The following TMEM165 variants were observed in gnomAD, a reference collection of about 807,000 sequenced individuals.
The protein encoded by TMEM165 is transmembrane protein 165.
A neutral mutation model predicts 30.0 loss-of-function variants in TMEM165; 19 were observed. The ratio of observed to expected loss-of-function variants is 0.63; its 90% CI spans 0.44 to 0.93. The LOEUF is 0.93. Among genes scored for constraint, TMEM165 ranks in the 40% least tolerant of loss-of-function variants. The probability of loss-of-function intolerance (pLI) is 0.00; values close to 1 mark genes in which losing one functional copy is unlikely to be tolerated. For synonymous variants in TMEM165, 168 were observed against 162.9 expected (o/e 1.03, Z -0.24); for missense variants, 340 against 417.0 (o/e 0.82, Z 1.61).
chr4:55,415,676 A>G (rs1484274563), intron 2 of TMEM165: 3 of 152,204 alleles, frequency 2.0e-5, no homozygotes, highest in Non-Finnish European at 4.4e-5. Flanking sequence ...TAATTTAAAT[A>G]CAGATGTGCA....
At chr4:55,416,852 T>C (rs536663277) in intron 2 of TMEM165, 3 of 399,264 alleles carry the variant, frequency 7.5e-6, no homozygotes, top group African/African-American at 4.2e-5. Context: ...AACTGGACCA[T>C]TGGCTTCTGA....
At chr4:55,432,434 T>A (rs1230031843) in intron 3 of TMEM165, 6 of 150,390 alleles carry the variant, frequency 4.0e-5, no homozygotes, top group Non-Finnish European at 7.4e-5. Context: ...CCACCCAGAA[T>A]AAGTGTTTTT....
chr4:55,400,256 TTAA>T (rs1160607940), intron 1 of TMEM165, among the ~76,000 whole-genome samples: 1 of 52,390 alleles, frequency 1.9e-5, no homozygotes, highest in African/African-American at 6.6e-5. Context: ...TTATATTATA[TTAA>T]TATATAATAT....
At chr4:55,435,061 A>G in intron 3 of TMEM165, 1 of 335,324 alleles carries the variant, frequency 3.0e-6, no homozygotes. Context: ...AGAGGCACAG[A>G]ACCACTAAAA....
intron 3 of TMEM165, chr4:55,435,173 A>G: frequency 1.9e-6 from 1 of 529,426 alleles, no homozygotes; most frequent in Non-Finnish European, 3.4e-6. Flanking sequence ...AAAAATATCC[A>G]GGCACCTAAA....
At chr4:55,434,497 A>C (rs1234084051) in intron 3 of TMEM165, 1 of 152,658 alleles carries the variant, frequency 6.6e-6, no homozygotes, top group African/African-American at 2.4e-5. Context: ...AAAATAAAGC[A>C]GTGCAAATCC....
downstream of TMEM165, chr4:55,430,931 C>A (rs1018087246): frequency 1.3e-5 from 2 of 152,178 alleles, no homozygotes; most frequent in African/African-American, 4.8e-5. Flanking sequence ...AATCAAAGTT[C>A]ATTTGGCTAT....
chr4:55,420,493 A>G (rs917166171), intron 4 of TMEM165, among the ~76,000 whole-genome samples: 3 of 151,920 alleles, frequency 2.0e-5, no homozygotes, highest in Non-Finnish European at 4.4e-5. Context: ...AAAAATGGGG[A>G]TTACCTGCTT....
At chr4:55,436,991 T>C (rs1297660755) in intron 3 of TMEM165, among the ~76,000 whole-genome samples, 1 of 151,960 alleles carries the variant, frequency 6.6e-6, no homozygotes, top group African/African-American at 2.4e-5. Context: ...TCCTCTCCTT[T>C]TTTTAGCTTA....
intron 2 of TMEM165, chr4:55,415,667 A>C (rs1721692452): frequency 6.6e-6 from 1 of 152,102 alleles, no homozygotes; most frequent in Admixed American, 6.5e-5. Flanking sequence ...CACACACAAT[A>C]ATTTAAATAC....
downstream of TMEM165, among the ~76,000 whole-genome samples, chr4:55,426,878 G>A (rs745441433): frequency 2.0e-5 from 3 of 152,152 alleles, no homozygotes; most frequent in Non-Finnish European, 4.4e-5. Flanking sequence ...AGTAGCACAT[G>A]TTGGTAAAAA....
chr4:55,452,809 C>A, exon 4 of TMEM165: 1 of 363,032 alleles, frequency 2.8e-6, no homozygotes, highest in South Asian at 3.9e-5. Context: ...TAGCCAGAGA[C>A]TAGTACATCA....
intron 4 of TMEM165, chr4:55,423,642 C>CA (rs1299873587): frequency 6.6e-6 from 1 of 152,376 alleles, no homozygotes; most frequent in Non-Finnish European, 1.5e-5. Flanking sequence ...AGGCTAGTCT[C>CA]AAACTGCCAG....
intron 3 of TMEM165, among the ~76,000 whole-genome samples, chr4:55,436,278 C>CAAACA (rs1722871673): frequency 6.6e-6 from 1 of 152,126 alleles, no homozygotes; most frequent in African/African-American, 2.4e-5. Context: ...TAAAGACAGA[C>CAAACA]AAACAAAACA....
chr4:55,450,268 GT>G (rs1172252311), intron 3 of TMEM165: 1 of 1,612,732 alleles, frequency 6.2e-7, no homozygotes, highest in Admixed American at 1.7e-5. Flanking sequence ...TTTTCTTGTG[GT>G]TCAGTTCAGA....
chr4:55,449,396 C>G (rs146781801), intron 3 of TMEM165: 8 of 1,612,080 alleles, frequency 5.0e-6, no homozygotes, highest in Non-Finnish European at 6.8e-6. Context: ...AAGAGCTTAC[C>G]TGACTACTAA....
chr4:55,435,956 G>A (rs1722846800), intron 3 of TMEM165, among the ~76,000 whole-genome samples: 1 of 152,142 alleles, frequency 6.6e-6, no homozygotes, highest in African/African-American at 2.4e-5. Context: ...CAAATACTCT[G>A]AGGCCAGACA....
chr4:55,404,917 G>C (rs1721209728), intron 1 of TMEM165, among the ~76,000 whole-genome samples: 1 of 152,102 alleles, frequency 6.6e-6, no homozygotes, highest in Admixed American at 6.5e-5. Flanking sequence ...CAGCTCCTAA[G>C]TTTTTTTGAG....
At chr4:55,416,977 C>T in intron 2 of TMEM165, 95 bp from the exon 3 acceptor site, 2 of 1,116,204 alleles carry the variant, frequency 1.8e-6, no homozygotes, top group Admixed American at 2.7e-5. Flanking sequence ...AACCATTTTT[C>T]TTTTAACAGT....
Sources: allele counts gnomAD v4.1 joint callset (sites outside exome capture counted in the v4.1 genomes callset), GRCh38; gene constraint gnomAD v4.1.1; transcripts MANE v1.5; gene names NCBI Gene and HGNC (gene_info 2026-07-23, HGNC 2026-07-21).